The following BCR variants were observed in gnomAD, a reference collection of about 807,000 sequenced individuals.
The protein encoded by BCR is breakpoint cluster region protein.
Under a neutral mutation model 138.6 loss-of-function variants are expected in BCR, and 58 were observed. The observed-to-expected ratio is 0.42, with a 90% confidence interval of 0.34 to 0.52. The LOEUF (loss-of-function observed/expected upper bound fraction) is 0.52. Among genes scored for constraint, BCR ranks in the 20% least tolerant of loss-of-function variants. BCR has a pLI of 0.06. For missense variants in BCR, 1,599 were observed against 1,727.2 expected (o/e 0.93, Z 1.32); for synonymous variants, 786 against 730.1 (o/e 1.08, Z -1.23).
chr22:23,199,245 T>A (rs772979183), intron 1 of BCR: 6 of 517,912 alleles, frequency 1.2e-5, no homozygotes, highest in Admixed American at 3.9e-5. Context: ...AGAAGACTCT[T>A]CTCTTCTCTG....
At chr22:23,289,283 T>G (rs1381495235) in intron 12 of BCR, among the ~76,000 whole-genome samples, 1 of 152,166 alleles carries the variant, frequency 6.6e-6, no homozygotes, top group Non-Finnish European at 1.5e-5. Flanking sequence ...TGTGTGTGTT[T>G]GTAAGTCTCA....
chr22:23,181,028 T>A lies in BCR; in HGVS notation c.68T>A (p.Met23Lys). Residue 23 changes from methionine to lysine, a missense_variant, in exon 1 of 23, where the codon ATG becomes AAG. Transcript: ENST00000305877. The stretch of plus-strand genomic sequence containing the variant: ...TTCCCGGACTCAGAGCCCCCGCGCA[T>A]GGAGCTGCGCTCAGTGGGCGACATC... ...AQFPDSEPPR[M>K]ELRSVGDIEQ... 1.3e-6 allele frequency: 2 copies of A among 1,501,096 alleles called. No homozygotes were observed. The highest frequency in any genetic ancestry group is 1.3e-5 in the South Asian group (1 of 78,720). The allele number at this position is 1,501,096 out of a possible 1,614,324, so 93.0% of individuals were successfully genotyped here.
chr22:23,224,915 C>G (rs996241701), intron 1 of BCR, among the ~76,000 whole-genome samples: 29 of 152,014 alleles, frequency 1.9e-4, no homozygotes. Flanking sequence ...AGAGTGGCCC[C>G]CTGCAGGCCC....
chr22:23,272,547 G>T (rs2073521262), intron 6 of BCR, among the ~76,000 whole-genome samples: 1 of 152,148 alleles, frequency 6.6e-6, no homozygotes, highest in Non-Finnish European at 1.5e-5. Context: ...CACTGCAGTG[G>T]GGCTCATGTG....
intron 1 of BCR, among the ~76,000 whole-genome samples, chr22:23,191,663 C>T (rs1287617102): frequency 2.6e-5 from 4 of 152,052 alleles, no homozygotes; most frequent in Non-Finnish European, 5.9e-5. Context: ...TTTGATGTGA[C>T]GATGCACCTG....
At position 23,273,755 on chromosome 22, in the gene BCR, T is replaced by C; in HGVS notation, c.2096T>C (p.Met699Thr). ...GAGATCACACCCCGACGGCAGTCCA[T>C]GACGGTGAAGAAGGGAGAGGTGAGT... is the stretch of plus-strand genomic sequence containing the variant. ...NEEITPRRQSMTVKKGEHRQL... is the reference protein window; with the variant it reads ...NEEITPRRQSTTVKKGEHRQL... Residue 699 changes from methionine to threonine, a missense_variant, in exon 8 of 23, where the codon ATG becomes ACG. By Grantham distance (81) the Met-to-Thr change is moderately conservative. Around this residue, in one of 4 missense-constraint regions of BCR, gnomAD observed 590 missense variants for 762.4 expected, o/e 0.77. Coordinates refer to ENST00000305877, the MANE Select transcript of BCR (RefSeq NM_004327.4). The C allele has an allele frequency of 6.2e-7, 1 of 1,614,132 alleles. No homozygotes were observed. The highest frequency in any genetic ancestry group is 8.5e-7 in the Non-Finnish European group (1 of 1,180,018).
chr22:23,240,132 C>CA (rs1387412317), intron 1 of BCR, among the ~76,000 whole-genome samples: 3 of 152,006 alleles, frequency 2.0e-5, no homozygotes, highest in African/African-American at 7.2e-5. Flanking sequence ...AGGACACAGT[C>CA]ACATTGGATT....
chr22:23,313,591 C>A (rs1288891393), intron 20 of BCR, among the ~76,000 whole-genome samples: 2 of 152,186 alleles, frequency 1.3e-5, no homozygotes, highest in Non-Finnish European at 2.9e-5. Flanking sequence ...CTCCCACTTC[C>A]CACCTCCTTG....
rs367899593 is a variant in BCR at position 23,261,725 on chromosome 22, C to T, written c.1752+185C>T. 6.9e-4 allele frequency: 324 copies of T among 470,848 alleles called. 6 individuals carry two copies. The East Asian group carries it at 0.011, about 16-fold the overall frequency. The allele number at this position is 470,848 out of a possible 1,614,324, so 29.2% of individuals were successfully genotyped here. ...GAGATTACAGGCGTGAGCCGCCATG[C>T]CCAGCCTTTTTTTTTTTTTTTCTAA... On this transcript the variant is annotated intron_variant, in intron 4 of 22. Transcript: ENST00000305877.
chr22:23,199,960 C>T (rs1172786339), intron 1 of BCR, among the ~76,000 whole-genome samples: 1 of 151,942 alleles, frequency 6.6e-6, no homozygotes, highest in Non-Finnish European at 1.5e-5. Context: ...TGGTGGCGGG[C>T]GCCTGTAGTC....
At chr22:23,226,327 A>AGTGTGTGT (rs751492915) in intron 1 of BCR, among the ~76,000 whole-genome samples, 1 of 46,072 alleles carries the variant, frequency 2.2e-5, no homozygotes, top group Non-Finnish European at 4.6e-5. Context: ...AGAGAGAGAG[A>AGTGTGTGT]GTGTGTGTGT....
intron 1 of BCR, among the ~76,000 whole-genome samples, chr22:23,189,866 G>A (rs1423126568): frequency 1.3e-5 from 2 of 152,160 alleles, no homozygotes; most frequent in African/African-American, 4.8e-5. Flanking sequence ...GTTCTCTTCC[G>A]GAAAACACCC....
rs66569843 is a variant in BCR, at chr22:23,313,961, T to G, written c.3458-7T>G. ...GACCCCAAGGAGTAACCCACCGCCT[T>G]CTGCAGCTCTTTCAGACCCGGTTGC... On this transcript the variant is annotated splice_region_variant and splice_polypyrimidine_tract_variant and intron_variant, in intron 20 of 22. Transcript: ENST00000305877. 345,606 of 1,612,762 alleles carry G rather than the reference T, an allele frequency of 0.21. 40,557 individuals are homozygous for G. The highest frequency in any genetic ancestry group is 0.24 in the Non-Finnish European group (284,240 of 1,179,160).
intron 1 of BCR, among the ~76,000 whole-genome samples, chr22:23,196,711 A>G (rs143557437): frequency 3.3e-5 from 5 of 152,316 alleles, no homozygotes; most frequent in Admixed American, 2.6e-4. Flanking sequence ...TGCACAGCCT[A>G]GATCCCTCGC....
At position 23,184,556 on chromosome 22, in the gene BCR, C is replaced by G. The variant is rs114808395; in HGVS notation, c.1279+2317C>G. ...TTCCCACATACTCCCTACCCCTACA[C>G]CCCCACAGCCTCCCCAGTTAACATC... On this transcript the variant is annotated intron_variant, in intron 1 of 22. Transcript: ENST00000305877. 2.8e-3 allele frequency among the ~76,000 whole-genome samples: 431 copies of G among 152,244 alleles called. 3 individuals are homozygous for G. Among genetic ancestry groups the G allele is most frequent in the African/African-American group, 0.01 (420 of 41,526 alleles).
At position 23,181,037 on chromosome 22, in the gene BCR, G is replaced by T; in HGVS notation, c.77G>T (p.Arg26Leu). Residue 26 changes from arginine (R) to leucine (L), a missense_variant, in exon 1 of 23, where the codon CGC becomes CTC. Arg to Leu is a moderately radical substitution (Grantham distance 102). Transcript: ENST00000305877. ...PDSEPPRMEL[R>L]SVGDIEQELE... is the part of the protein sequence containing the mutation. ...TCAGAGCCCCCGCGCATGGAGCTGC[G>T]CTCAGTGGGCGACATCGAGCAGGAG... 6.6e-7 allele frequency: 1 copy of T among 1,519,462 alleles called. No homozygotes were observed. Among genetic ancestry groups the T allele is most frequent in the Non-Finnish European group, 8.9e-7 (1 of 1,128,154 alleles). 94.1% of individuals were successfully genotyped at this position (1,519,462 alleles called of 1,614,324 possible). A position where few individuals can be genotyped will look rare whatever the true frequency, so the allele number is the denominator to read the frequency against.
chr22:23,223,454 G>T (rs1251515602), intron 1 of BCR, among the ~76,000 whole-genome samples: 1 of 152,192 alleles, frequency 6.6e-6, no homozygotes, highest in Non-Finnish European at 1.5e-5. Context: ...GCATCTTGTA[G>T]ATGCGGATGC....
intron 1 of BCR, among the ~76,000 whole-genome samples, chr22:23,227,028 G>A (rs1051707944): frequency 6.6e-6 from 1 of 152,102 alleles, no homozygotes; most frequent in Non-Finnish European, 1.5e-5. Context: ...TAGGCAAGCT[G>A]CTTGCTGGGA....
intron 8 of BCR, among the ~76,000 whole-genome samples, chr22:23,280,057 A>G (rs1379058337): frequency 6.7e-6 from 1 of 150,296 alleles, no homozygotes; most frequent in African/African-American, 2.5e-5. Flanking sequence ...CATGGATTCC[A>G]CCGCATGACC....
Sources: allele counts gnomAD v4.1 joint callset (sites outside exome capture counted in the v4.1 genomes callset), GRCh38; gene constraint gnomAD v4.1.1; regional missense constraint gnomAD v4.1.1; transcripts MANE v1.5; gene names NCBI Gene and HGNC (gene_info 2026-07-23, HGNC 2026-07-21).